BRD9: variants seen among roughly 807,000 people sequenced by gnomAD.
BRD9 encodes bromodomain containing 9, also known as bromodomain-containing protein 9.
BRD9 carries 47 observed loss-of-function variants against 68.7 expected under a neutral mutation model. The observed-to-expected ratio is 0.68, with a 90% CI of 0.54 to 0.87. The LOEUF is 0.87. BRD9 is among the 40% of genes least tolerant of loss of function. BRD9 has a pLI of 0.00. For synonymous variants in BRD9, 313 were observed against 293.9 expected (o/e 1.06, Z -0.67); for missense variants, 670 against 748.4 (o/e 0.90, Z 1.22).
chr5:874,449 T>G (rs1188523783), intron 12 of BRD9, among the ~76,000 whole-genome samples: 2 of 152,234 alleles, frequency 1.3e-5, no homozygotes, highest in Non-Finnish European at 2.9e-5. Context: ...CACATCTAAA[T>G]TCAGACTGGC....
In BRD9 at chr5:871,620, G is replaced by A. The variant is rs1022695807; in HGVS notation, c.1384-56C>T. On this transcript the variant is annotated intron_variant, in intron 12 of 15. Transcript: ENST00000467963. ...TTTCCAGAGTGATTTCATAGAAACG[G>A]ACAATTCGCTGACATTACACACACG... 4 of 1,516,556 alleles carry A rather than the reference G, an allele frequency of 2.6e-6. No homozygotes were observed. The African/African-American group carries it at 5.5e-5, about 21-fold the overall frequency. The allele number at this position is 1,516,556 out of a possible 1,614,324, so 93.9% of individuals were successfully genotyped here.
chr5:869,407 G>C (rs1380368518), intron 14 of BRD9: 1 of 454,020 alleles, frequency 2.2e-6, no homozygotes, highest in African/African-American at 2.0e-5. Context: ...GAAAGAAACT[G>C]AGTATTTTAT....
chr5:891,671 T>A lies in BRD9; in HGVS notation c.236A>T (p.His79Leu). ...CTTCCTTCTTTCCTCATCGTCCAGA[T>A]GCTTCTCCTTCTCGGACTTCTTCTT... ...KKKKKSEKEK[H>L]LDDEERRKRK... Residue 79 changes from histidine (H) to leucine (L), a missense_variant, in exon 2 of 16, where the codon CAT becomes CTT. Physicochemically the swap from His to Leu is moderately conservative, Grantham distance 99. This residue lies in a region of BRD9 where 161 missense variants were observed against 148.1 expected (regional missense o/e 1.09). Coordinates refer to ENST00000467963, the MANE Select transcript of BRD9 (RefSeq NM_023924.5). 1 of 1,551,644 alleles carries A rather than the reference T, an allele frequency of 6.4e-7. No homozygotes were observed. The highest frequency in any genetic ancestry group is 8.7e-7 in the Non-Finnish European group (1 of 1,147,032).
intron 8 of BRD9, 31 bp from the exon 9 acceptor site, chr5:881,213 C>T: frequency 6.2e-7 from 1 of 1,601,298 alleles, no homozygotes; most frequent in Non-Finnish European, 8.6e-7. Flanking sequence ...AGCGTCTGTC[C>T]CTCAGGAGGG....
chr5:886,851 G>T, intron 6 of BRD9, 144 bp from the exon 7 acceptor site: 1 of 1,420,578 alleles, frequency 7.0e-7, no homozygotes, highest in Non-Finnish European at 9.5e-7. Flanking sequence ...GATGGGGATG[G>T]TCACAGCCTC....
At chr5:881,681 T>C in intron 8 of BRD9, 1 of 173,266 alleles carries the variant, frequency 5.8e-6, no homozygotes, top group Non-Finnish European at 1.3e-5. Flanking sequence ...CATGCAGCGG[T>C]TGGCTGGGCT....
chr5:886,621 T>A lies in BRD9; in HGVS notation c.804A>T (p.Lys268Asn). 1 of 1,614,104 alleles carries A rather than the reference T, an allele frequency of 6.2e-7. No individual in the cohort carries two copies. The highest frequency in any genetic ancestry group is 8.5e-7 in the Non-Finnish European group (1 of 1,179,988). Reference sequence around the variant, plus strand: ...TAACTTCTCTACTCGGCTTTTTGGATTTCTTGGCAGTTTCTACTTGTACTG... The same window carrying A: ...TAACTTCTCTACTCGGCTTTTTGGAATTCTTGGCAGTTTCTACTTGTACTG... ...VVPVQVETAK[K>N]SKKPSREVIS... Residue 268 changes from lysine (K) to asparagine (N), a missense_variant, in exon 7 of 16, where the codon AAA becomes AAT. Transcript: ENST00000467963.
chr5:883,481 T>C (rs1219350358), intron 8 of BRD9: 15 of 455,726 alleles, frequency 3.3e-5, no homozygotes, highest in South Asian at 1.4e-4. Context: ...GTCAGCTGAG[T>C]GGGCCCCACC....
intron 11 of BRD9, among the ~76,000 whole-genome samples, chr5:877,206 C>T (rs565336671): frequency 6.6e-6 from 1 of 152,310 alleles, no homozygotes; most frequent in Non-Finnish European, 1.5e-5. Flanking sequence ...GACAGGGAGC[C>T]GACTGCGGAC....
At chr5:875,974 G>A (rs1256478050) in intron 12 of BRD9, 127 bp downstream of exon 12, 8 of 645,116 alleles carry the variant, frequency 1.2e-5, no homozygotes, top group Non-Finnish European at 1.9e-5. Context: ...AGATCCTGAC[G>A]AGGAGCCGGC....
At chr5:881,678 C>T (rs749441099) in intron 8 of BRD9, 21 of 172,672 alleles carry the variant, frequency 1.2e-4, no homozygotes, top group East Asian at 1.6e-4. Context: ...TGTCATGCAG[C>T]GGTTGGCTGG....
In BRD9 at chr5:878,388, T is replaced by C. The variant is rs200748824; in HGVS notation, c.1238A>G (p.Tyr413Cys). The change falls in exon 11 of 16, where the codon TAC (tyrosine) becomes TGC (cysteine). Residue 413 changes from tyrosine (Y) to cysteine (C), a missense_variant. By Grantham distance (194) the Tyr-to-Cys change is radical (BLOSUM62 -2). Coordinates refer to ENST00000467963, the MANE Select transcript of BRD9 (RefSeq NM_023924.5). The part of the protein sequence containing the change: ...SDEMELLYSA[Y>C]GDETGVQCAL... The stretch of plus-strand genomic sequence containing the variant: ...ACACTGCACGCCTGTCTCATCTCCG[T>C]AGGCTGAGTAGAGCAGCTCCATCTC... The C allele has an allele frequency of 9.9e-6, 16 of 1,614,234 alleles. No homozygotes were observed. The highest frequency in any genetic ancestry group is 1.4e-5 in the Non-Finnish European group (16 of 1,180,042).
Position 892,464 on chromosome 5 carries a change from G to A in BRD9, c.52+142C>T, listed in dbSNP as rs1427573295. The stretch of plus-strand genomic sequence containing the variant: ...GCCCGGTTCCCTGCCCGAAATCCCA[G>A]GACCCCCTCCCGCGTGCCCAGAACC... On this transcript the variant is annotated intron_variant, in intron 1 of 15. Coordinates refer to ENST00000467963, the MANE Select transcript of BRD9 (RefSeq NM_023924.5). The A allele has an allele frequency of 9.2e-6, 13 of 1,418,054 alleles. No homozygotes were observed. The African/African-American group carries it at 1.4e-4, about 15-fold the overall frequency. 87.8% of individuals were successfully genotyped at this position (1,418,054 alleles called of 1,614,324 possible).
intron 11 of BRD9, among the ~76,000 whole-genome samples, chr5:877,924 A>G (rs73733930): frequency 0.038 from 5,735 of 152,224 alleles, 340 homozygotes; most frequent in African/African-American, 0.13. Context: ...GGCACAGGGA[A>G]AAGACGGAAA....
At position 889,281 on chromosome 5, in the gene BRD9, G is replaced by C; in HGVS notation, c.462-116C>G. 1.8e-5 allele frequency: 21 copies of C among 1,145,264 alleles called. No homozygotes were observed. In the South Asian group the frequency reaches 3.0e-4, roughly 16 times the overall value. 70.9% of individuals were successfully genotyped at this position (1,145,264 alleles called of 1,614,324 possible). On this transcript the variant is annotated intron_variant, in intron 4 of 15. Transcript: ENST00000467963. ...AATTTTGTTTCTTAAAAATAAAAAA[G>C]TTACGAGCGTCTTTTAATTTATTGT...
chr5:883,554 C>A, intron 8 of BRD9: 2 of 392,022 alleles, frequency 5.1e-6, no homozygotes, highest in South Asian at 1.9e-5. Flanking sequence ...TATGGACCAT[C>A]TGTCGGATCC....
intron 12 of BRD9, 36 bp from the exon 13 acceptor site, chr5:871,600 A>G (rs1375795549): frequency 5.0e-6 from 8 of 1,597,240 alleles, no homozygotes; most frequent in Middle Eastern, 1.7e-4. Context: ...TAGTTTTTCC[A>G]GAGTGATTTC....
intron 3 of BRD9, among the ~76,000 whole-genome samples, chr5:890,903 A>G (rs1280528695): frequency 6.6e-6 from 1 of 152,216 alleles, no homozygotes; most frequent in African/African-American, 2.4e-5. Context: ...TAAAAAACAT[A>G]TAAGCCATCC....
At chr5:889,713 G>A (rs370826338) in intron 3 of BRD9, 66 bp from the exon 4 acceptor site, 1 of 1,593,426 alleles carries the variant, frequency 6.3e-7, no homozygotes, top group African/African-American at 1.3e-5. Flanking sequence ...AGAGCTCCAA[G>A]TTCACAGTAT....
Sources: allele counts gnomAD v4.1 joint callset (sites outside exome capture counted in the v4.1 genomes callset), GRCh38; gene constraint gnomAD v4.1.1; regional missense constraint gnomAD v4.1.1; transcripts MANE v1.5; gene names NCBI Gene and HGNC (gene_info 2026-07-23, HGNC 2026-07-21).